Variants in GRID2 observed in about 807,000 individuals in gnomAD.
GRID2 encodes glutamate ionotropic receptor delta type subunit 2, also known as glutamate receptor ionotropic, delta-2.
GRID2 carries 33 observed loss-of-function variants against 114.8 expected under a neutral mutation model. That is an observed-to-expected ratio of 0.29 (90% CI 0.22 to 0.38). The LOEUF (loss-of-function observed/expected upper bound fraction) is 0.38. GRID2 is among the 10% of genes least tolerant of loss of function. GRID2 has a pLI of 1.00. For missense variants in GRID2, 1,184 were observed against 1,257.7 expected, an observed-to-expected ratio of 0.94 and a Z score of 0.89; for synonymous variants, 505 against 449.9, an observed-to-expected ratio of 1.12 and a Z score of -1.55.
chr4:93,097,162 A>G (rs930546754), intron 3 of GRID2, among the ~76,000 whole-genome samples: 5 of 151,968 alleles, frequency 3.3e-5, no homozygotes, highest in African/African-American at 9.7e-5. Context: ...GCGACACAAA[A>G]TAACTTTTAG....
intron 4 of GRID2, among the ~76,000 whole-genome samples, chr4:93,179,906 A>T (rs536951291): frequency 1.3e-5 from 2 of 152,276 alleles, no homozygotes; most frequent in South Asian, 4.1e-4. Context: ...TTTCTAAGGA[A>T]ATTCCCAGGA....
chr4:93,010,119 G>A (rs547669757), intron 2 of GRID2, among the ~76,000 whole-genome samples: 15 of 152,084 alleles, frequency 9.9e-5, no homozygotes, highest in Admixed American at 2.0e-4. Flanking sequence ...ATGCGTAGTA[G>A]GAGGTTATTC....
At chr4:93,556,070 A>G (rs1056724421) in intron 13 of GRID2, among the ~76,000 whole-genome samples, 5 of 152,282 alleles carry the variant, frequency 3.3e-5, no homozygotes, top group Admixed American at 6.5e-5. Context: ...CAACATCAAC[A>G]AAAAGGATGT....
At chr4:93,297,161 G>A (rs1754392586) in intron 8 of GRID2, among the ~76,000 whole-genome samples, 1 of 152,126 alleles carries the variant, frequency 6.6e-6, no homozygotes, top group Admixed American at 6.5e-5. Flanking sequence ...CAAGGTCAAG[G>A]AAACTTATTC....
At chr4:92,416,056 C>T (rs544147508) in intron 1 of GRID2, among the ~76,000 whole-genome samples, 17 of 151,918 alleles carry the variant, frequency 1.1e-4, no homozygotes, top group East Asian at 9.7e-4. Flanking sequence ...ACCACATCCA[C>T]GCCAATATCT....
intron 2 of GRID2, among the ~76,000 whole-genome samples, chr4:92,610,507 C>T (rs1729666387): frequency 6.6e-6 from 1 of 151,616 alleles, no homozygotes; most frequent in Non-Finnish European, 1.5e-5. Context: ...AACTCAGATG[C>T]TCCACTTCTG....
At chr4:92,786,799 C>T (rs1174745065) in intron 2 of GRID2, among the ~76,000 whole-genome samples, 2 of 151,864 alleles carry the variant, frequency 1.3e-5, no homozygotes, top group African/African-American at 4.8e-5. Context: ...CACAGTTGAA[C>T]AATCCTGGTG....
chr4:93,615,052 C>T (rs1248466633), intron 13 of GRID2, among the ~76,000 whole-genome samples: 2 of 152,258 alleles, frequency 1.3e-5, no homozygotes, highest in East Asian at 3.9e-4. Context: ...ATCAAGCCTG[C>T]ATTACGTTGA....
intron 2 of GRID2, among the ~76,000 whole-genome samples, chr4:92,738,428 A>T (rs1736707931): frequency 6.6e-6 from 1 of 152,108 alleles, no homozygotes; most frequent in Non-Finnish European, 1.5e-5. Context: ...TGGTTGTTGC[A>T]GTCCTTCCAT....
chr4:92,850,168 T>A (rs1014825127), intron 2 of GRID2, among the ~76,000 whole-genome samples: 2 of 151,370 alleles, frequency 1.3e-5, no homozygotes, highest in African/African-American at 4.8e-5. Flanking sequence ...GTTTTTCTAG[T>A]AATATATATT....
chr4:92,786,531 A>G (rs994918966), intron 2 of GRID2, among the ~76,000 whole-genome samples: 2 of 151,862 alleles, frequency 1.3e-5, no homozygotes, highest in African/African-American at 4.8e-5. Flanking sequence ...TTGGGAAGAA[A>G]GAAAGAAAGA....
At chr4:93,789,201 T>C (rs1734649032) in intron 1 of GRID2, among the ~76,000 whole-genome samples, 1 of 152,204 alleles carries the variant, frequency 6.6e-6, no homozygotes, top group Non-Finnish European at 1.5e-5. Context: ...CACATTTTCA[T>C]CAGATAGCCA....
intron 13 of GRID2, among the ~76,000 whole-genome samples, chr4:93,608,310 A>AATTTTTTTTTTTTTTTTTTTTTT (rs1740522737): frequency 3.0e-5 from 2 of 67,312 alleles, no homozygotes; most frequent in African/African-American, 6.0e-5. Flanking sequence ...TTTTTTTTTT[A>AATTTTTTTTTTTTTTTTTTTTTT]ATTTTTTTTT....
intron 13 of GRID2, among the ~76,000 whole-genome samples, chr4:93,592,664 G>A (rs959428407): frequency 2.6e-5 from 4 of 152,092 alleles, no homozygotes; most frequent in African/African-American, 2.4e-5. Context: ...GGGTGTTAAA[G>A]TCTCCCACTA....
intron 2 of GRID2, among the ~76,000 whole-genome samples, chr4:92,640,348 A>T (rs1397755866): frequency 6.6e-6 from 1 of 151,882 alleles, no homozygotes; most frequent in Non-Finnish European, 1.5e-5. Context: ...AGCTACTAAG[A>T]TTATTTTTGA....
At chr4:92,973,582 C>T (rs1028058497) in intron 2 of GRID2, among the ~76,000 whole-genome samples, 33 of 152,024 alleles carry the variant, frequency 2.2e-4, no homozygotes, top group African/African-American at 7.7e-4. Flanking sequence ...AATTAGGTTT[C>T]GACTGGAACA....
At chr4:92,995,413 T>C (rs1755141236) in intron 2 of GRID2, among the ~76,000 whole-genome samples, 1 of 152,354 alleles carries the variant, frequency 6.6e-6, no homozygotes, top group South Asian at 2.1e-4. Context: ...ATGCTTTATA[T>C]ATTCTCTTTT....
At chr4:92,726,001 A>C (rs1209780439) in intron 2 of GRID2, among the ~76,000 whole-genome samples, 7 of 152,094 alleles carry the variant, frequency 4.6e-5, no homozygotes, top group Non-Finnish European at 1.0e-4. Flanking sequence ...TATTGAGTAC[A>C]ACATAAATTG....
At chr4:93,751,823 GC>G (rs1732342779) in intron 14 of GRID2, among the ~76,000 whole-genome samples, 1 of 152,136 alleles carries the variant, frequency 6.6e-6, no homozygotes, top group African/African-American at 2.4e-5. Context: ...AACCCGGCTT[GC>G]CCTCCTAAAA....
Sources: gnomAD v4.1 joint callset for allele counts (sites outside exome capture counted in the v4.1 genomes callset) on GRCh38, gnomAD v4.1.1 for gene constraint, MANE v1.5 for transcripts, NCBI Gene and HGNC (gene_info 2026-07-23, HGNC 2026-07-21) for gene names.